Variants in MRPS27 observed in about 807,000 individuals in gnomAD.
MRPS27 encodes small ribosomal subunit protein mS27.
A neutral mutation model predicts 48.9 loss-of-function variants in MRPS27; 43 were observed. The ratio of observed to expected loss-of-function variants is 0.88; its 90% CI spans 0.69 to 1.13. The LOEUF (loss-of-function observed/expected upper bound fraction) is 1.13, where lower values mean the gene tolerates loss of function less well. MRPS27 is among the 50% of genes most tolerant of loss of function. The probability of loss-of-function intolerance (pLI) is 0.00; values close to 1 mark genes in which losing one functional copy is unlikely to be tolerated. For missense variants in MRPS27, 467 were observed against 476.3 expected (o/e 0.98, Z 0.18); for synonymous variants, 188 against 171.9 (o/e 1.09, Z -0.73).
intron 4 of MRPS27, among the ~76,000 whole-genome samples, chr5:72,262,320 C>T (rs867753289): frequency 6.6e-6 from 1 of 152,100 alleles, no homozygotes; most frequent in Non-Finnish European, 1.5e-5. Context: ...AAAGGTGCTG[C>T]TGCTGCTGCT....
intron 4 of MRPS27, among the ~76,000 whole-genome samples, chr5:72,254,207 T>A (rs1257401626): frequency 1.3e-5 from 2 of 152,210 alleles, no homozygotes; most frequent in African/African-American, 4.8e-5. Flanking sequence ...CCCACAAGAT[T>A]ATAAAACCAG....
intron 4 of MRPS27, among the ~76,000 whole-genome samples, chr5:72,287,394 C>A (rs1383636897): frequency 6.6e-6 from 1 of 152,104 alleles, no homozygotes. Context: ...AATCCCAGCA[C>A]TTTGGGAGGC....
intron 8 of MRPS27, chr5:72,228,062 G>T: frequency 1.8e-6 from 1 of 567,932 alleles, no homozygotes; most frequent in Admixed American, 3.3e-5. Flanking sequence ...TTCTTGCTTT[G>T]CCAGTGATGG....
At chr5:72,222,161 T>C (rs1396567498) in intron 10 of MRPS27, among the ~76,000 whole-genome samples, 1 of 152,122 alleles carries the variant, frequency 6.6e-6, no homozygotes. Context: ...CTCTGACTAA[T>C]AAAAATCAGG....
intron 4 of MRPS27, among the ~76,000 whole-genome samples, chr5:72,259,792 C>T (rs1748917772): frequency 6.6e-6 from 1 of 152,074 alleles, no homozygotes; most frequent in African/African-American, 2.4e-5. Flanking sequence ...GAATAAATTC[C>T]TTTAAAAATG....
At chr5:72,260,193 C>T (rs1397538568) in intron 4 of MRPS27, among the ~76,000 whole-genome samples, 3 of 152,090 alleles carry the variant, frequency 2.0e-5, no homozygotes, top group Admixed American at 2.0e-4. Context: ...ATATGCTTTA[C>T]TAAAATGCTT....
chr5:72,227,133 C>T (rs1007995675), intron 8 of MRPS27: 40 of 152,284 alleles, frequency 2.6e-4, no homozygotes, highest in African/African-American at 9.7e-4. Flanking sequence ...CGGCAAATGA[C>T]ACAATGAGAG....
chr5:72,273,300 T>C (rs1440350239), intron 4 of MRPS27, among the ~76,000 whole-genome samples: 2 of 152,220 alleles, frequency 1.3e-5, no homozygotes, highest in Non-Finnish European at 2.9e-5. Flanking sequence ...TAGCCTCAAA[T>C]ATGTTTAAGT....
At chr5:72,233,827 C>T (rs1331324316) in intron 6 of MRPS27, among the ~76,000 whole-genome samples, 1 of 152,014 alleles carries the variant, frequency 6.6e-6, no homozygotes, top group Non-Finnish European at 1.5e-5. Flanking sequence ...TTTACTTTAT[C>T]CTTTATTTAT....
intron 2 of MRPS27, among the ~76,000 whole-genome samples, chr5:72,302,001 T>G (rs1750137103): frequency 1.3e-5 from 2 of 152,308 alleles, no homozygotes; most frequent in Non-Finnish European, 2.9e-5. Flanking sequence ...AGAAGATACT[T>G]TTTTGCTTGC....
rs1246488946 is a variant in MRPS27 at position 72,298,729 on chromosome 5, A to ACC, written c.152-1028_152-1027insGG. Among the ~76,000 whole-genome samples the ACC allele has an allele frequency of 7.3e-4, 108 of 148,842 alleles. 1 individual carries two copies. Among genetic ancestry groups the ACC allele is most frequent in the African/African-American group, 2.7e-3 (104 of 39,024 alleles). On this transcript the variant is annotated intron_variant, in intron 2 of 10. Transcript: ENST00000261413. Reference sequence around the variant, plus strand: ...CTCCGTCTCAAAAAAAAAAACAAAAAAAAAAAAAACAGAGCTACCATTTGA... The same window carrying ACC: ...CTCCGTCTCAAAAAAAAAAACAAAAACCAAAAAAAAACAGAGCTACCATTTGA...
At chr5:72,268,629 A>C (rs1749158091) in intron 4 of MRPS27, among the ~76,000 whole-genome samples, 1 of 152,194 alleles carries the variant, frequency 6.6e-6, no homozygotes, top group South Asian at 2.1e-4. Flanking sequence ...AAAATTATGG[A>C]TCAAGGTCTT....
intron 2 of MRPS27, chr5:72,307,994 C>G (rs940305067): frequency 6.6e-6 from 1 of 152,286 alleles, no homozygotes; most frequent in Non-Finnish European, 1.5e-5. Context: ...GGCTCTCGCC[C>G]GGTTTCCTCC....
chr5:72,224,198 T>C (rs1370895792), intron 9 of MRPS27, among the ~76,000 whole-genome samples: 3 of 137,486 alleles, frequency 2.2e-5, no homozygotes, highest in Non-Finnish European at 4.8e-5. Flanking sequence ...CTCCATCACT[T>C]AAAAAAAAAA....
intron 4 of MRPS27, 32 bp downstream of exon 4, chr5:72,295,499 G>A: frequency 2.0e-6 from 3 of 1,532,728 alleles, no homozygotes; most frequent in Non-Finnish European, 2.7e-6. Context: ...TGAAATCACA[G>A]AGTACATAGC....
At chr5:72,250,822 G>A (rs777413641) in intron 4 of MRPS27, among the ~76,000 whole-genome samples, 1 of 152,190 alleles carries the variant, frequency 6.6e-6, no homozygotes, top group Non-Finnish European at 1.5e-5. Context: ...CTGGAGTGCA[G>A]TGGCGAGATC....
intron 2 of MRPS27, among the ~76,000 whole-genome samples, chr5:72,310,944 G>C (rs1033283006): frequency 2.6e-5 from 4 of 152,168 alleles, no homozygotes; most frequent in Non-Finnish European, 5.9e-5. Context: ...TATTCTGGCT[G>C]GGGAAGCATA....
chr5:72,220,822 C>T lies in MRPS27; in HGVS notation c.*87G>A. ...AAGAAAAGAAGATGGGTAGAGGAAG[C>T]TGAGGCTGTTGTCCAGGCCACTGCT... On this transcript the variant is annotated 3_prime_UTR_variant, in exon 11 of 11. Coordinates refer to ENST00000261413, the MANE Select transcript of MRPS27 (RefSeq NM_015084.3). 1.9e-6 allele frequency: 3 copies of T among 1,545,278 alleles called. No homozygotes were observed. The highest frequency in any genetic ancestry group is 2.6e-6 in the Non-Finnish European group (3 of 1,144,502).
chr5:72,298,310 A>G (rs1430208196), intron 2 of MRPS27, among the ~76,000 whole-genome samples: 1 of 152,230 alleles, frequency 6.6e-6, no homozygotes, highest in Non-Finnish European at 1.5e-5. Context: ...AGAGAAATGC[A>G]AATAAAAACC....
Sources: gnomAD v4.1 joint callset for allele counts (sites outside exome capture counted in the v4.1 genomes callset) on GRCh38, gnomAD v4.1.1 for gene constraint, MANE v1.5 for transcripts, NCBI Gene and HGNC (gene_info 2026-07-23, HGNC 2026-07-21) for gene names.